LRRC59: variants seen among roughly 807,000 people sequenced by gnomAD.
LRRC59 encodes the protein leucine-rich repeat-containing protein 59.
In LRRC59, 18 loss-of-function variants were observed where a neutral mutation model predicts 33.5. The ratio of observed to expected loss-of-function variants is 0.54; its 90% CI spans 0.37 to 0.80. The LOEUF is 0.80. Ranked by LOEUF, LRRC59 falls within the 30% of genes least tolerant of loss-of-function variation. The probability of loss-of-function intolerance (pLI) is 0.00; values close to 1 mark genes in which losing one functional copy is unlikely to be tolerated. For missense variants in LRRC59, 330 were observed against 391.9 expected (o/e 0.84, Z 1.33); for synonymous variants, 138 against 160.0 (o/e 0.86, Z 1.04).
intron 4 of LRRC59, among the ~76,000 whole-genome samples, chr17:50,389,907 C>A (rs1914100296): frequency 2.0e-5 from 3 of 152,008 alleles, no homozygotes; most frequent in African/African-American, 4.8e-5. Context: ...ACCAGCCTGA[C>A]CGATATGGTG....
chr17:50,382,629 AAGTATAAATGT>A lies in LRRC59; in HGVS notation c.*348_*358del. The A allele has an allele frequency of 3.9e-6, 1 of 253,514 alleles. No homozygotes were observed. Among genetic ancestry groups the A allele is most frequent in the Non-Finnish European group, 7.7e-6 (1 of 130,130 alleles). 15.7% of individuals were successfully genotyped at this position (253,514 alleles called of 1,614,324 possible). A position where few individuals can be genotyped will look rare whatever the true frequency, so the allele number is the denominator to read the frequency against. On this transcript the variant is annotated 3_prime_UTR_variant, in exon 7 of 7. Coordinates refer to ENST00000225972, the MANE Select transcript of LRRC59 (RefSeq NM_018509.4). ...GAATGAAAGGGTTTGTGGCATACAA[AAGTATAAATGT>A]AGTGACAGCTGACCATTTAGTAGAA...
At chr17:50,385,988 T>A (rs1913991835) in intron 5 of LRRC59, among the ~76,000 whole-genome samples, 1 of 152,124 alleles carries the variant, frequency 6.6e-6, no homozygotes, top group Non-Finnish European at 1.5e-5. Flanking sequence ...GCTCAGGAAG[T>A]GGAGGTTGCA....
intron 5 of LRRC59, among the ~76,000 whole-genome samples, 181 bp from the exon 6 acceptor site, chr17:50,385,472 T>C (rs1913980636): frequency 1.3e-5 from 2 of 152,200 alleles, no homozygotes; most frequent in South Asian, 4.1e-4. Flanking sequence ...CAAAAGCAGC[T>C]GCTCTCAGGG....
intron 5 of LRRC59, among the ~76,000 whole-genome samples, chr17:50,387,611 G>C (rs996636568): frequency 1.3e-5 from 2 of 152,210 alleles, no homozygotes; most frequent in African/African-American, 4.8e-5. Context: ...TGGCTGGTTA[G>C]AGATGGCACC....
At chr17:50,390,491 C>G (rs971682869) in intron 4 of LRRC59, among the ~76,000 whole-genome samples, 1 of 135,962 alleles carries the variant, frequency 7.4e-6, no homozygotes, top group African/African-American at 2.7e-5. Context: ...GACCCCATGT[C>G]AAAAAAAAAA....
chr17:50,385,350 T>C, intron 5 of LRRC59, 59 bp from the exon 6 acceptor site: 1 of 1,556,898 alleles, frequency 6.4e-7, no homozygotes, highest in Non-Finnish European at 8.7e-7. Context: ...GCAGTTTGCT[T>C]TCCCAAGTGA....
intron 4 of LRRC59, among the ~76,000 whole-genome samples, 173 bp from the exon 5 acceptor site, chr17:50,388,305 G>A (rs566328744): frequency 2.0e-5 from 3 of 152,296 alleles, no homozygotes; most frequent in Admixed American, 6.5e-5. Context: ...CTGGGAAGCC[G>A]AGATAGAAGG....
chr17:50,392,043 T>C (rs1434589160), intron 4 of LRRC59, among the ~76,000 whole-genome samples: 1 of 151,982 alleles, frequency 6.6e-6, no homozygotes, highest in Non-Finnish European at 1.5e-5. Flanking sequence ...CACTAAAAAA[T>C]ACAAAAATTA....
At position 50,382,452 on chromosome 17, in the gene LRRC59, G is replaced by T. The variant is rs1913884412; in HGVS notation, c.*536C>A. 1 of 155,460 alleles carries T rather than the reference G, an allele frequency of 6.4e-6. No individual in the cohort carries two copies. The highest frequency in any genetic ancestry group is 2.4e-5 in the African/African-American group (1 of 41,438). The allele number at this position is 155,460 out of a possible 1,614,324, so 9.6% of individuals were successfully genotyped here. On this transcript the variant is annotated 3_prime_UTR_variant, in exon 7 of 7. Transcript: ENST00000225972. ...GGATGGTCATGAAGTCCCTTTCATA[G>T]CCAGAGATTTTGTGTGGCTGCTAAA...
In LRRC59 at chr17:50,387,723, T is replaced by C. The variant is rs201553248; in HGVS notation, c.502+337A>G. Among the ~76,000 whole-genome samples, 4 of 152,222 alleles carry C rather than the reference T, an allele frequency of 2.6e-5. No homozygotes were observed. The East Asian group carries it at 7.7e-4, about 29-fold the overall frequency. On this transcript the variant is annotated intron_variant, in intron 5 of 6. Coordinates refer to ENST00000225972, the MANE Select transcript of LRRC59 (RefSeq NM_018509.4). ...ACATCTTTCCTATTTTAGGCTTGAA[T>C]AACTATAGGGAAAGTGATTTCCTAT...
In LRRC59 at chr17:50,397,402, C is replaced by T. The variant is rs1291004922; in HGVS notation, c.-85G>A. Reference sequence around the variant, plus strand: ...TGTCGCTTGTCAGTTCAGCGGCCCCCCACCCAAACGACGACGCCTGAGCCC... The same window carrying T: ...TGTCGCTTGTCAGTTCAGCGGCCCCTCACCCAAACGACGACGCCTGAGCCC... On this transcript the variant is annotated 5_prime_UTR_variant, in exon 1 of 7. Transcript: ENST00000225972. 1.2e-5 allele frequency: 13 copies of T among 1,056,620 alleles called. No individual in the cohort carries two copies. The highest frequency in any genetic ancestry group is 1.6e-5 in the Non-Finnish European group (12 of 749,716). The allele number at this position is 1,056,620 out of a possible 1,614,324, so 65.5% of individuals were successfully genotyped here. A position where few individuals can be genotyped will look rare whatever the true frequency, so the allele number is the denominator to read the frequency against.
Position 50,389,580 on chromosome 17 carries a change from TGTGA to T in LRRC59, c.430-1452_430-1449del, listed in dbSNP as rs923700413. 3.3e-5 allele frequency among the ~76,000 whole-genome samples: 5 copies of T among 152,358 alleles called. 1 individual carries two copies. The highest frequency in any genetic ancestry group is 1.2e-4 in the African/African-American group (5 of 41,586). On this transcript the variant is annotated intron_variant, in intron 4 of 6. Coordinates refer to ENST00000225972, the MANE Select transcript of LRRC59 (RefSeq NM_018509.4). Reference sequence around the variant, plus strand: ...GTACTGCTGCTTATTTTCTTTACCATGTGAGTAAGAAAAAAGAAGAAAACCCAAA... The same window carrying T: ...GTACTGCTGCTTATTTTCTTTACCATGTAAGAAAAAAGAAGAAAACCCAAA...
chr17:50,393,046 A>G (rs559611140), intron 2 of LRRC59, 149 bp from the exon 3 acceptor site: 1 of 718,548 alleles, frequency 1.4e-6, no homozygotes, highest in South Asian at 1.9e-5. Context: ...TTTCATGTGT[A>G]GCCCAAGACA....
intron 4 of LRRC59, 142 bp downstream of exon 4, chr17:50,392,256 C>A: frequency 3.1e-6 from 2 of 635,816 alleles, no homozygotes; most frequent in South Asian, 2.1e-5. Context: ...CTCTGTTTGA[C>A]AGGCTCATAG....
chr17:50,392,604 T>C, intron 3 of LRRC59, 102 bp from the exon 4 acceptor site: 1 of 1,453,078 alleles, frequency 6.9e-7, no homozygotes, highest in Non-Finnish European at 9.6e-7. Flanking sequence ...CCCCTCTGTG[T>C]TCCACATATA....
At chr17:50,390,942 T>C (rs1914130839) in intron 4 of LRRC59, among the ~76,000 whole-genome samples, 1 of 152,242 alleles carries the variant, frequency 6.6e-6, no homozygotes, top group Admixed American at 6.5e-5. Flanking sequence ...ATCAAAATTA[T>C]TTTTGTATGT....
At chr17:50,393,241 C>A (rs548558933) in intron 2 of LRRC59, among the ~76,000 whole-genome samples, 4 of 152,276 alleles carry the variant, frequency 2.6e-5, no homozygotes, top group Admixed American at 2.6e-4. Context: ...GAACACCTAC[C>A]ACACCTGGTG....
rs750090448 is a variant in LRRC59 at position 50,383,144 on chromosome 17, TAGCAGCAGC to T, written c.759_767del (p.Leu254_Leu256del). ...CAACCAGCCCTCCCGCCACACCAAATAGCAGCAGCAGCAGCAGCAGCTTCAGCACAGCCC... is the reference window on the plus strand; with the variant it reads ...CAACCAGCCCTCCCGCCACACCAAATAGCAGCAGCAGCTTCAGCACAGCCC... On this transcript the variant is annotated inframe_deletion, in exon 7 of 7. Transcript: ENST00000225972. The T allele has an allele frequency of 1.3e-6, 2 of 1,583,668 alleles. No individual in the cohort carries two copies. Among genetic ancestry groups the T allele is most frequent in the Non-Finnish European group, 1.7e-6 (2 of 1,166,084 alleles).
chr17:50,391,718 G>A (rs16949026), intron 4 of LRRC59, among the ~76,000 whole-genome samples: 9,672 of 152,250 alleles, frequency 0.064, 810 homozygotes, highest in African/African-American at 0.19. Flanking sequence ...GCTTACAGCT[G>A]TAACACCTTT....
Sources: allele counts gnomAD v4.1 joint callset (sites outside exome capture counted in the v4.1 genomes callset), GRCh38; gene constraint gnomAD v4.1.1; transcripts MANE v1.5; gene names NCBI Gene and HGNC (gene_info 2026-07-23, HGNC 2026-07-21).